GOLM2: variants seen among roughly 807,000 people sequenced by gnomAD.
GOLM2 encodes the protein protein GOLM2.
GOLM2 carries 26 observed loss-of-function variants against 55.9 expected under a neutral mutation model. The ratio of observed to expected loss-of-function variants is 0.47; its 90% confidence interval spans 0.34 to 0.65. The LOEUF is 0.65. GOLM2 is among the 30% of genes least tolerant of loss of function. The pLI, the probability that GOLM2 is intolerant of heterozygous loss-of-function variation, is 0.01. For synonymous variants in GOLM2, 165 were observed against 194.6 expected (o/e 0.85, Z 1.27); for missense variants, 486 against 531.8 (o/e 0.91, Z 0.85).
intron 7 of GOLM2, among the ~76,000 whole-genome samples, chr15:44,380,008 T>C (rs750618698): frequency 6.6e-6 from 1 of 152,212 alleles, no homozygotes; most frequent in Non-Finnish European, 1.5e-5. Flanking sequence ...AACAGAAGAA[T>C]TATTTATTAT....
intron 6 of GOLM2, among the ~76,000 whole-genome samples, chr15:44,366,094 G>A (rs1285802607): frequency 2.0e-5 from 3 of 151,590 alleles, no homozygotes; most frequent in East Asian, 1.9e-4. Flanking sequence ...TCAGGAGATC[G>A]CGACCACCCT....
chr15:44,376,229 C>T (rs935837105), intron 6 of GOLM2, among the ~76,000 whole-genome samples: 3 of 152,066 alleles, frequency 2.0e-5, no homozygotes, highest in Non-Finnish European at 2.9e-5. Flanking sequence ...AGCAAAACTC[C>T]GTCTCAAAAA....
At chr15:44,340,110 C>T (rs1255902656) in intron 6 of GOLM2, among the ~76,000 whole-genome samples, 1 of 152,150 alleles carries the variant, frequency 6.6e-6, no homozygotes, top group Non-Finnish European at 1.5e-5. Context: ...GCATCAGCTA[C>T]CATGCCCAGC....
At chr15:44,405,868 C>T (rs1347856727) in intron 9 of GOLM2, among the ~76,000 whole-genome samples, 6 of 152,054 alleles carry the variant, frequency 3.9e-5, no homozygotes, top group African/African-American at 1.2e-4. Context: ...GTGATCCACC[C>T]GCCTCAGCCT....
At chr15:44,306,152 T>G (rs1200913097) in intron 1 of GOLM2, among the ~76,000 whole-genome samples, 2 of 152,228 alleles carry the variant, frequency 1.3e-5, no homozygotes, top group Non-Finnish European at 2.9e-5. Flanking sequence ...GATGGCATCT[T>G]CTTCCAATAG....
Position 44,395,817 on chromosome 15 carries a change from C to T in GOLM2, c.1073-7070C>T, listed in dbSNP as rs923331572. Reference sequence around the variant, plus strand: ...ATCACGCTACTGCACTCCAGCCTGGCGATAGAACAAGACTCCGTCTCAAAA... The same window carrying T: ...ATCACGCTACTGCACTCCAGCCTGGTGATAGAACAAGACTCCGTCTCAAAA... On this transcript the variant is annotated intron_variant, in intron 8 of 9. Coordinates refer to ENST00000299957, the MANE Select transcript of GOLM2 (RefSeq NM_138423.4). Among the ~76,000 whole-genome samples the T allele has an allele frequency of 1.1e-4, 17 of 150,802 alleles. No homozygotes were observed. In the East Asian group the frequency reaches 1.2e-3, roughly 11 times the overall value.
At chr15:44,362,279 G>A (rs891705367) in intron 6 of GOLM2, among the ~76,000 whole-genome samples, 4 of 152,102 alleles carry the variant, frequency 2.6e-5, no homozygotes, top group African/African-American at 9.7e-5. Context: ...CAACATGATT[G>A]TATATCTAGA....
At chr15:44,407,224 A>T (rs181252226) in intron 9 of GOLM2, among the ~76,000 whole-genome samples, 10 of 146,552 alleles carry the variant, frequency 6.8e-5, no homozygotes, top group Non-Finnish European at 1.5e-4. Flanking sequence ...TATATTTAAT[A>T]TATTTATATT....
In GOLM2 at chr15:44,337,874, GA is replaced by G. The variant is rs2079067790; in HGVS notation, c.690del (p.Glu230AspfsTer25). 6.2e-7 allele frequency: 1 copy of G among 1,601,740 alleles called. No homozygotes were observed. The highest frequency in any genetic ancestry group is 8.5e-7 in the Non-Finnish European group (1 of 1,177,126). On this transcript the variant is annotated frameshift_variant, in exon 5 of 10. Coordinates refer to ENST00000299957, the MANE Select transcript of GOLM2 (RefSeq NM_138423.4). LOFTEE classifies it high-confidence loss of function. The part of the protein sequence containing the change: ...VAENVADKNE[E>X]PSSNHIPHGK... ...TGAGAATGTTGCAGATAAGAATGAA[GA>G]ACCCTCAAGCAATCATATTCCACAT...
At chr15:44,336,372 C>T (rs1341183628) in intron 4 of GOLM2, among the ~76,000 whole-genome samples, 1 of 151,692 alleles carries the variant, frequency 6.6e-6, no homozygotes, top group East Asian at 2.0e-4. Context: ...CCACCTCGGC[C>T]TCCCGAAGTG....
At chr15:44,362,038 A>G (rs2079244122) in intron 6 of GOLM2, among the ~76,000 whole-genome samples, 1 of 151,888 alleles carries the variant, frequency 6.6e-6, no homozygotes, top group Non-Finnish European at 1.5e-5. Flanking sequence ...TTGATGGAAC[A>G]TATCTCAAAA....
chr15:44,380,824 A>G lies in GOLM2; in HGVS notation c.920A>G (p.Asn307Ser), dbSNP rs767107220. The G allele has an allele frequency of 1.3e-6, 2 of 1,554,746 alleles. No individual in the cohort carries two copies. The highest frequency in any genetic ancestry group is 1.4e-5 in the African/African-American group (1 of 73,262). ...NMPPDSHINH[N>S]GNPGTSKQNP... The stretch of plus-strand genomic sequence containing the variant: ...GCCACAGATTCACACATAAACCACA[A>G]TGGAAACCCCGGTACTTCAAAACAG... Residue 307 changes from asparagine (N) to serine (S), a missense_variant, in exon 8 of 10, where the codon AAT becomes AGT. By Grantham distance (46) the Asn-to-Ser change is conservative (BLOSUM62 1). Transcript: ENST00000299957.
At chr15:44,409,973 C>G (rs2079626532) in intron 9 of GOLM2, 1 of 151,352 alleles carries the variant, frequency 6.6e-6, no homozygotes, top group African/African-American at 2.4e-5. Flanking sequence ...AATAACTTTC[C>G]TATTAAATTT....
At chr15:44,390,076 T>A (rs1282417535) in intron 8 of GOLM2, 1 of 152,212 alleles carries the variant, frequency 6.6e-6, no homozygotes, top group Non-Finnish European at 1.5e-5. Context: ...AGCTGCATAT[T>A]TTTGTAAATT....
At position 44,370,080 on chromosome 15, in the gene GOLM2, G is replaced by A. The variant is rs776833989; in HGVS notation, c.803-9610G>A. Among the ~76,000 whole-genome samples, 8 of 152,160 alleles carry A rather than the reference G, an allele frequency of 5.3e-5. 1 individual carries two copies. In the East Asian group the frequency reaches 9.7e-4, roughly 18 times the overall value. ...AGCTAGGCCAGTCTCACCTTTTCTCGTTTTTCTGCCTGTTTTATATTCGCT... is the reference window on the plus strand; with the variant it reads ...AGCTAGGCCAGTCTCACCTTTTCTCATTTTTCTGCCTGTTTTATATTCGCT... On this transcript the variant is annotated intron_variant, in intron 6 of 9. Coordinates refer to ENST00000299957, the MANE Select transcript of GOLM2 (RefSeq NM_138423.4).
chr15:44,309,459 C>G (rs2078859483), intron 1 of GOLM2, among the ~76,000 whole-genome samples: 4 of 151,872 alleles, frequency 2.6e-5, no homozygotes, highest in African/African-American at 9.7e-5. Context: ...TCAAATATCC[C>G]TTAATAAAAA....
Position 44,305,794 on chromosome 15 carries a change from A to G in GOLM2, c.327+16438A>G, listed in dbSNP as rs868648167. The stretch of plus-strand genomic sequence containing the variant: ...GCTGTTAGCAGACATGAAAAGATTA[A>G]TGTCCTTGTAAATCTTCATCAGAGA... On this transcript the variant is annotated intron_variant, in intron 1 of 9. Coordinates refer to ENST00000299957, the MANE Select transcript of GOLM2 (RefSeq NM_138423.4). Among the ~76,000 whole-genome samples, 11 of 152,326 alleles carry G rather than the reference A, an allele frequency of 7.2e-5. 1 individual carries two copies. The South Asian group carries it at 1.7e-3, about 23-fold the overall frequency.
At chr15:44,400,476 C>G (rs1456435445) in intron 8 of GOLM2, among the ~76,000 whole-genome samples, 2 of 151,098 alleles carry the variant, frequency 1.3e-5, no homozygotes, top group Non-Finnish European at 2.9e-5. Flanking sequence ...CGCCACCATG[C>G]CTGCCTAATT....
chr15:44,299,298 GT>G (rs140953484), intron 1 of GOLM2, among the ~76,000 whole-genome samples: 35 of 144,154 alleles, frequency 2.4e-4, no homozygotes, highest in South Asian at 2.2e-4. Context: ...AATTGTTTTT[GT>G]TTTTTTTTTT....
Sources: gnomAD v4.1 joint callset for allele counts (sites outside exome capture counted in the v4.1 genomes callset) on GRCh38, gnomAD v4.1.1 for gene constraint, MANE v1.5 for transcripts, NCBI Gene and HGNC (gene_info 2026-07-23, HGNC 2026-07-21) for gene names.